The following PVT1 variants were observed in gnomAD, a reference collection of about 807,000 sequenced individuals.
PVT1 encodes the protein CXCR4/PVT1 fusion.
At chr8:127,944,676 C>A (rs1012165761) in intron 3 of PVT1, among the ~76,000 whole-genome samples, 27 of 152,168 alleles carry the variant, frequency 1.8e-4, no homozygotes, top group Admixed American at 7.8e-4. Flanking sequence ...CAGCTGATAC[C>A]GAGGAGGAGG....
intron 2 of PVT1, among the ~76,000 whole-genome samples, chr8:127,858,805 CTTTTTTTTTTTTTTTTTT>C (rs35886687): frequency 2.1e-5 from 1 of 47,310 alleles, no homozygotes; most frequent in African/African-American, 8.1e-5. Flanking sequence ...CTTGAAGATT[CTTTTTTTTTTTTTTTTTT>C]TTTTTTTTTT....
intron 5 of PVT1, among the ~76,000 whole-genome samples, chr8:128,082,462 T>G (rs993603720): frequency 1.3e-5 from 2 of 152,218 alleles, no homozygotes; most frequent in Non-Finnish European, 2.9e-5. Context: ...AATGTTCCCA[T>G]CATGGGGTAG....
chr8:127,972,000 T>C (rs1233094263), intron 3 of PVT1, among the ~76,000 whole-genome samples: 4 of 152,198 alleles, frequency 2.6e-5, no homozygotes, highest in Admixed American at 1.3e-4. Context: ...GAAAAGCCAG[T>C]CTGAGAATTG....
chr8:127,865,339 C>A (rs1331025003), intron 2 of PVT1, among the ~76,000 whole-genome samples: 1 of 152,088 alleles, frequency 6.6e-6, no homozygotes, highest in African/African-American at 2.4e-5. Context: ...ATGCTTCCCC[C>A]AAAGAGGTTC....
intron 3 of PVT1, among the ~76,000 whole-genome samples, chr8:127,986,911 T>A (rs1225644732): frequency 6.6e-6 from 1 of 152,216 alleles, no homozygotes; most frequent in African/African-American, 2.4e-5. Context: ...GCCAACGTGC[T>A]GGGTTATTGC....
At chr8:127,830,445 G>A (rs1437140727) in intron 2 of PVT1, among the ~76,000 whole-genome samples, 3 of 151,870 alleles carry the variant, frequency 2.0e-5, no homozygotes, top group African/African-American at 7.3e-5. Context: ...CTTTATTTCA[G>A]GAGAGAGTGA....
intron 6 of PVT1, among the ~76,000 whole-genome samples, chr8:128,099,163 A>G (rs2608032): frequency 0.14 from 20,760 of 152,116 alleles, 1,820 homozygotes; most frequent in East Asian, 0.3. Flanking sequence ...CCTGTTCTCC[A>G]CGTCATTGCA....
intron 3 of PVT1, among the ~76,000 whole-genome samples, chr8:127,933,705 G>A (rs1816239088): frequency 6.6e-6 from 1 of 152,176 alleles, no homozygotes; most frequent in African/African-American, 2.4e-5. Flanking sequence ...AGGATGTGCT[G>A]TTTCTACTTG....
In PVT1 at chr8:127,819,339, A is replaced by G. The variant is rs140552714; in HGVS notation, n.372+23268A>G. 8.8e-3 allele frequency among the ~76,000 whole-genome samples: 1,337 copies of G among 152,274 alleles called. 10 individuals are homozygous for G. Among genetic ancestry groups the G allele is most frequent in the Non-Finnish European group, 0.013 (875 of 68,014 alleles). On this transcript the variant is annotated intron_variant and non_coding_transcript_variant, in intron 2 of 10. Coordinates refer to ENST00000651587, the Ensembl canonical transcript of PVT1. ...TCCTCATCTGTTAGTGAGCTTGTAGATAGCTCTGACTGTCACCAGGCTTTG... is the reference window on the plus strand; with the variant it reads ...TCCTCATCTGTTAGTGAGCTTGTAGGTAGCTCTGACTGTCACCAGGCTTTG...
intron 4 of PVT1, among the ~76,000 whole-genome samples, chr8:127,994,316 G>A (rs1280776849): frequency 6.6e-6 from 1 of 152,160 alleles, no homozygotes; most frequent in Non-Finnish European, 1.5e-5. Flanking sequence ...TTCCCTGGGA[G>A]CAGAGCCTTG....
intron 4 of PVT1, among the ~76,000 whole-genome samples, chr8:127,994,090 C>T (rs1007027590): frequency 7.9e-5 from 12 of 152,164 alleles, no homozygotes; most frequent in Non-Finnish European, 1.8e-4. Flanking sequence ...GCCTGTTCTC[C>T]CAGCACATTC....
chr8:127,948,699 A>T (rs899976160), intron 3 of PVT1: 6 of 152,318 alleles, frequency 3.9e-5, no homozygotes, highest in Non-Finnish European at 8.8e-5. Flanking sequence ...GACCACGTGT[A>T]GACACAGGGA....
chr8:128,075,452 A>T (rs930261849), intron 5 of PVT1, among the ~76,000 whole-genome samples: 1 of 150,442 alleles, frequency 6.6e-6, no homozygotes, highest in African/African-American at 2.5e-5. Flanking sequence ...CCTTTTTTTA[A>T]AAAAAAATCT....
At chr8:127,921,186 G>A (rs575187321) in intron 3 of PVT1, among the ~76,000 whole-genome samples, 77 of 152,274 alleles carry the variant, frequency 5.1e-4, no homozygotes, top group African/African-American at 1.7e-3. Context: ...AACCACACAC[G>A]CTTACTGACA....
In PVT1 at chr8:127,896,775, C is replaced by CCCCG. The variant is rs1170196149; in HGVS notation, n.782+5780_782+5781insGCCC. ...AGCTATTTTTCCTGATGCCTTTCCT[C>CCCCG]CCCCCCCCCGCCCCCGACCCACAGG... On this transcript the variant is annotated intron_variant and non_coding_transcript_variant, in intron 3 of 10. Coordinates refer to ENST00000651587, the Ensembl canonical transcript of PVT1. Among the ~76,000 whole-genome samples the CCCCG allele has an allele frequency of 4.2e-4, 47 of 112,432 alleles. No individual in the cohort carries two copies. The East Asian group carries it at 0.011, about 26-fold the overall frequency. The allele number at this position is 112,432 out of a possible 152,430, so 73.8% of individuals were successfully genotyped here. A position where few individuals can be genotyped will look rare whatever the true frequency, so the allele number is the denominator to read the frequency against.
rs1380683017 is a variant in PVT1, at chr8:127,982,015, C to T, written n.783-7147C>T. On this transcript the variant is annotated intron_variant and non_coding_transcript_variant, in intron 3 of 10. Transcript: ENST00000651587. Reference sequence around the variant, plus strand: ...TAGACTTTAGAAGCCCAGTCTCTGGCGCTAGACTTCCTTCCTTCACCTACC... The same window carrying T: ...TAGACTTTAGAAGCCCAGTCTCTGGTGCTAGACTTCCTTCCTTCACCTACC... Among the ~76,000 whole-genome samples, 6 of 152,304 alleles carry T rather than the reference C, an allele frequency of 3.9e-5. No individual in the cohort carries two copies. The East Asian group carries it at 5.8e-4, about 15-fold the overall frequency.
chr8:128,058,347 C>G (rs1813786603), intron 4 of PVT1, among the ~76,000 whole-genome samples: 1 of 151,716 alleles, frequency 6.6e-6, no homozygotes, highest in African/African-American at 2.4e-5. Flanking sequence ...CCTTATATCA[C>G]TTAGATGTAA....
At chr8:127,981,160 T>A (rs1816879091) in intron 3 of PVT1, among the ~76,000 whole-genome samples, 1 of 152,174 alleles carries the variant, frequency 6.6e-6, no homozygotes, top group Non-Finnish European at 1.5e-5. Context: ...AATGAACTAT[T>A]ATATTTCAGG....
At chr8:127,814,106 C>T (rs12216822) in intron 2 of PVT1, among the ~76,000 whole-genome samples, 66,425 of 152,100 alleles carry the variant, frequency 0.44, 14,933 homozygotes, top group African/African-American at 0.53. Flanking sequence ...TATTTTTGCA[C>T]TTTCAGTTGT....
Sources: gnomAD v4.1 joint callset for allele counts (sites outside exome capture counted in the v4.1 genomes callset) on GRCh38, gnomAD v4.1.1 for gene constraint, MANE v1.5 for transcripts, NCBI Gene and HGNC (gene_info 2026-07-23, HGNC 2026-07-21) for gene names.